CHRM3: variants seen among roughly 807,000 people sequenced by gnomAD.
CHRM3 encodes the protein muscarinic acetylcholine receptor M3.
A neutral mutation model predicts 41.8 loss-of-function variants in CHRM3; 11 were observed. The ratio of observed to expected loss-of-function variants is 0.26; its 90% CI spans 0.17 to 0.44. The LOEUF is 0.44. Among genes scored for constraint, CHRM3 ranks in the 20% least tolerant of loss-of-function variants. The pLI is 1.00. For missense variants in CHRM3, 571 were observed against 745.4 expected (o/e 0.77, Z 2.72); for synonymous variants, 297 against 301.4 (o/e 0.99, Z 0.15).
chr1:239,537,005 AGT>A (rs1379777080), intron 2 of CHRM3, among the ~76,000 whole-genome samples: 1 of 152,004 alleles, frequency 6.6e-6, no homozygotes, highest in Non-Finnish European at 1.5e-5. Flanking sequence ...TTGACTTTTA[AGT>A]GTCACTTTTT....
chr1:239,762,124 A>G (rs1174626319), intron 5 of CHRM3, among the ~76,000 whole-genome samples: 1 of 152,082 alleles, frequency 6.6e-6, no homozygotes, highest in Non-Finnish European at 1.5e-5. Flanking sequence ...TAGTTGAGGC[A>G]ATAGGGTAAA....
chr1:239,455,434 C>G (rs1405629692), intron 1 of CHRM3, among the ~76,000 whole-genome samples: 2 of 151,872 alleles, frequency 1.3e-5, no homozygotes, highest in Non-Finnish European at 2.9e-5. Flanking sequence ...GCATCATTAT[C>G]ATAAGAGATG....
chr1:239,743,222 G>A (rs1205830262), intron 5 of CHRM3, among the ~76,000 whole-genome samples: 2 of 152,072 alleles, frequency 1.3e-5, no homozygotes, highest in Non-Finnish European at 2.9e-5. Flanking sequence ...TAGCAACAAG[G>A]GGCCAATGAA....
chr1:239,850,721 C>A (rs575162736), intron 6 of CHRM3, among the ~76,000 whole-genome samples: 1 of 152,080 alleles, frequency 6.6e-6, no homozygotes, highest in Non-Finnish European at 1.5e-5. Flanking sequence ...AGTGAGTTCT[C>A]GTGTGATCTG....
At chr1:239,686,216 C>A (rs984999110) in intron 5 of CHRM3, among the ~76,000 whole-genome samples, 1 of 152,156 alleles carries the variant, frequency 6.6e-6, no homozygotes, top group African/African-American at 2.4e-5. Flanking sequence ...CTTAAAAACT[C>A]TTGATTCCAT....
intron 4 of CHRM3, among the ~76,000 whole-genome samples, chr1:239,670,698 T>C (rs1017941428): frequency 6.6e-6 from 1 of 152,024 alleles, no homozygotes; most frequent in Non-Finnish European, 1.5e-5. Context: ...CAGCTAATTT[T>C]TGTATTTTTA....
intron 2 of CHRM3, among the ~76,000 whole-genome samples, chr1:239,500,714 C>A (rs527550441): frequency 2.0e-5 from 2 of 101,746 alleles, no homozygotes; most frequent in Non-Finnish European, 4.7e-5. Context: ...AAAACACAAA[C>A]AACAACAACA....
chr1:239,687,465 A>G (rs1253697089), intron 5 of CHRM3, among the ~76,000 whole-genome samples: 2 of 152,190 alleles, frequency 1.3e-5, no homozygotes, highest in Admixed American at 6.5e-5. Context: ...ACTAAAATTA[A>G]TCATTAACTT....
intron 3 of CHRM3, among the ~76,000 whole-genome samples, chr1:239,592,426 T>C (rs1385288803): frequency 6.6e-6 from 1 of 152,168 alleles, no homozygotes; most frequent in African/African-American, 2.4e-5. Flanking sequence ...ACATGCCTGT[T>C]AATAGCCATG....
intron 6 of CHRM3, among the ~76,000 whole-genome samples, chr1:239,868,023 GGGACCAAA>G (rs1183595392): frequency 1.3e-5 from 2 of 152,138 alleles, no homozygotes; most frequent in African/African-American, 2.4e-5. Flanking sequence ...AGCATAAAAC[GGGACCAAA>G]GCCCACTGCA....
intron 4 of CHRM3, among the ~76,000 whole-genome samples, chr1:239,643,779 C>T (rs1472693536): frequency 6.6e-6 from 1 of 152,180 alleles, no homozygotes; most frequent in African/African-American, 2.4e-5. Flanking sequence ...CACCCACTGT[C>T]CTGCGCCCAC....
At chr1:239,756,364 A>C (rs1363107815) in intron 5 of CHRM3, among the ~76,000 whole-genome samples, 1 of 152,222 alleles carries the variant, frequency 6.6e-6, no homozygotes, top group Non-Finnish European at 1.5e-5. Flanking sequence ...AAAATGAAAC[A>C]TATCTGTTCC....
intron 1 of CHRM3, among the ~76,000 whole-genome samples, chr1:239,428,130 G>C (rs1239851067): frequency 6.6e-6 from 1 of 152,130 alleles, no homozygotes; most frequent in Non-Finnish European, 1.5e-5. Context: ...GCACGTGCTC[G>C]AAAGAGAAGA....
intron 2 of CHRM3, among the ~76,000 whole-genome samples, chr1:239,519,011 T>C (rs1669453369): frequency 6.6e-6 from 1 of 152,222 alleles, no homozygotes; most frequent in Non-Finnish European, 1.5e-5. Context: ...TCACTTCCTC[T>C]TTCCAGACAC....
chr1:239,559,628 G>A (rs993359740), intron 3 of CHRM3, among the ~76,000 whole-genome samples: 1 of 152,120 alleles, frequency 6.6e-6, no homozygotes, highest in African/African-American at 2.4e-5. Context: ...TCAAAACTAA[G>A]ACATTATTGT....
intron 3 of CHRM3, among the ~76,000 whole-genome samples, chr1:239,619,660 A>G (rs1425073939): frequency 6.6e-6 from 1 of 152,206 alleles, no homozygotes; most frequent in Non-Finnish European, 1.5e-5. Flanking sequence ...ATCTTTTATA[A>G]GAATCAAAAC....
intron 2 of CHRM3, among the ~76,000 whole-genome samples, chr1:239,520,353 C>T (rs1379591324): frequency 6.6e-6 from 1 of 152,052 alleles, no homozygotes; most frequent in Non-Finnish European, 1.5e-5. Flanking sequence ...ATGATCGGAT[C>T]GTGGGGGCGG....
At chr1:239,660,841 A>T (rs1044869414) in intron 4 of CHRM3, among the ~76,000 whole-genome samples, 2 of 152,224 alleles carry the variant, frequency 1.3e-5, no homozygotes, top group African/African-American at 4.8e-5. Flanking sequence ...AGATCGTGCC[A>T]CCACACTCCA....
rs116374578 is a variant in CHRM3, at chr1:239,781,310, C to T, written c.-146-45942C>T. 3.2e-3 allele frequency among the ~76,000 whole-genome samples: 481 copies of T among 152,208 alleles called. 5 individuals carry two copies. The highest frequency in any genetic ancestry group is 0.011 in the African/African-American group (464 of 41,550). On this transcript the variant is annotated intron_variant, in intron 5 of 6. Coordinates refer to ENST00000676153, the MANE Select transcript of CHRM3 (RefSeq NM_001375978.1). ...AGTTTCAGAGTTTCAGAGTTTTCCT[C>T]ATGTCAATCTTACACTATTGTGATA...
Sources: allele counts gnomAD v4.1 joint callset (sites outside exome capture counted in the v4.1 genomes callset), GRCh38; gene constraint gnomAD v4.1.1; transcripts MANE v1.5; gene names NCBI Gene and HGNC (gene_info 2026-07-23, HGNC 2026-07-21).